The following EXT1 variants were observed in gnomAD, a reference collection of about 807,000 sequenced individuals.
EXT1 encodes the protein exostosin-1.
A neutral mutation model predicts 82.5 loss-of-function variants in EXT1; 20 were observed. The ratio of observed to expected loss-of-function variants is 0.24; its 90% CI spans 0.17 to 0.35. The LOEUF (loss-of-function observed/expected upper bound fraction) is 0.35, where lower values mean the gene tolerates loss of function less well. EXT1 is among the 10% of genes least tolerant of loss of function. EXT1 has a pLI of 1.00. For synonymous variants in EXT1, 348 were observed against 350.8 expected (o/e 0.99, Z 0.09); for missense variants, 757 against 936.5 (o/e 0.81, Z 2.50).
intron 1 of EXT1, among the ~76,000 whole-genome samples, chr8:117,855,396 T>A (rs924247260): frequency 6.6e-6 from 1 of 152,206 alleles, no homozygotes; most frequent in African/African-American, 2.4e-5. Context: ...TTCAAAACTT[T>A]TATTGTTATT....
intron 1 of EXT1, among the ~76,000 whole-genome samples, chr8:118,056,492 G>A (rs1816796202): frequency 6.6e-6 from 1 of 152,132 alleles, no homozygotes; most frequent in Non-Finnish European, 1.5e-5. Flanking sequence ...GGCTTACATT[G>A]CATCTTACCA....
intron 1 of EXT1, among the ~76,000 whole-genome samples, chr8:118,089,760 G>C (rs966112446): frequency 3.9e-5 from 6 of 152,222 alleles, no homozygotes; most frequent in Admixed American, 6.5e-5. Context: ...TGTGCTAGAA[G>C]GGTTTCACTT....
At chr8:117,873,809 A>G (rs1290316250) in intron 1 of EXT1, among the ~76,000 whole-genome samples, 1 of 152,158 alleles carries the variant, frequency 6.6e-6, no homozygotes, top group East Asian at 1.9e-4. Flanking sequence ...TCCCAATAGG[A>G]TTGGGGTGAT....
intron 1 of EXT1, among the ~76,000 whole-genome samples, chr8:117,952,754 GA>G (rs201825732): frequency 2.9e-4 from 41 of 142,266 alleles, no homozygotes; most frequent in East Asian, 8.1e-4. Flanking sequence ...CAGGGAGACT[GA>G]AAAAAAAAAA....
At chr8:117,982,041 T>C (rs2129768674) in intron 1 of EXT1, among the ~76,000 whole-genome samples, 1 of 152,348 alleles carries the variant, frequency 6.6e-6, no homozygotes, top group Non-Finnish European at 1.5e-5. Context: ...ATTGCTGCTG[T>C]AATAAATTCC....
intron 1 of EXT1, among the ~76,000 whole-genome samples, chr8:117,861,792 G>C (rs1299820516): frequency 6.9e-6 from 1 of 144,280 alleles, no homozygotes; most frequent in Non-Finnish European, 1.6e-5. Context: ...CACTGCACCC[G>C]GCCTTGAAGT....
At chr8:118,080,822 C>T (rs1817306466) in intron 1 of EXT1, among the ~76,000 whole-genome samples, 1 of 152,088 alleles carries the variant, frequency 6.6e-6, no homozygotes, top group African/African-American at 2.4e-5. Context: ...CTATGAGAGG[C>T]ACTTCAATGC....
chr8:117,863,405 G>A (rs1812718855), intron 1 of EXT1, among the ~76,000 whole-genome samples: 1 of 93,400 alleles, frequency 1.1e-5, no homozygotes, highest in Non-Finnish European at 2.1e-5. Flanking sequence ...ACTATGCTAA[G>A]TCTAGGTTTT....
chr8:117,979,593 A>G (rs759623156), intron 1 of EXT1, among the ~76,000 whole-genome samples: 3 of 152,120 alleles, frequency 2.0e-5, no homozygotes, highest in Non-Finnish European at 4.4e-5. Context: ...ACAGTTACAA[A>G]AGAAAAGGGT....
intron 1 of EXT1, among the ~76,000 whole-genome samples, chr8:117,998,490 T>G (rs1815593420): frequency 6.6e-6 from 1 of 152,122 alleles, no homozygotes. Context: ...TTAAAAATAC[T>G]TTGTAAAGAC....
At chr8:117,812,214 A>G (rs1482917610) in intron 8 of EXT1, among the ~76,000 whole-genome samples, 1 of 152,208 alleles carries the variant, frequency 6.6e-6, no homozygotes, top group African/African-American at 2.4e-5. Flanking sequence ...GGAAGGTTTC[A>G]GAGATCAATA....
chr8:117,812,924 A>G lies in EXT1; in HGVS notation c.1670T>C (p.Ile557Thr). The G allele has an allele frequency of 6.2e-7, 1 of 1,614,002 alleles. No homozygotes were observed. Among genetic ancestry groups the G allele is most frequent in the Non-Finnish European group, 8.5e-7 (1 of 1,179,996 alleles). Reference protein sequence around the residue: ...SSRFLPYDNIITDAVLSLDED... With the variant: ...SSRFLPYDNITTDAVLSLDED... ...GTCAAGGCTGAGCACGGCGTCTGTGATGATGTTGTCGTAGGGCAGAAAACG... is the reference window on the plus strand; with the variant it reads ...GTCAAGGCTGAGCACGGCGTCTGTGGTGATGTTGTCGTAGGGCAGAAAACG... The change falls in exon 8 of 11, where the codon ATC (isoleucine) becomes ACC (threonine). Residue 557 changes from isoleucine (I) to threonine (T), a missense_variant. Ile to Thr is a moderately conservative substitution (Grantham distance 89, BLOSUM62 -1). Around this residue, in one of 4 missense-constraint regions of EXT1, gnomAD observed 207 missense variants for 224.2 expected, o/e 0.92. Transcript: ENST00000378204.
intron 1 of EXT1, among the ~76,000 whole-genome samples, chr8:118,038,043 C>G (rs17476602): frequency 3.1e-3 from 468 of 152,078 alleles, no homozygotes; most frequent in Middle Eastern, 0.01. Flanking sequence ...CCAGGGTAGT[C>G]TCGAACTCCT....
At chr8:117,909,982 GGCC>G (rs1813615111) in intron 1 of EXT1, among the ~76,000 whole-genome samples, 1 of 152,096 alleles carries the variant, frequency 6.6e-6, no homozygotes, top group Non-Finnish European at 1.5e-5. Context: ...TGGCCAAACT[GGCC>G]TTGAACTCCT....
chr8:117,840,599 C>T (rs377387335), intron 1 of EXT1, among the ~76,000 whole-genome samples: 20 of 144,464 alleles, frequency 1.4e-4, no homozygotes, highest in South Asian at 6.5e-4. Flanking sequence ...GCAACAAGAG[C>T]GAAACTCTAT....
chr8:117,876,463 T>C (rs1563588113), intron 1 of EXT1, among the ~76,000 whole-genome samples: 1 of 152,246 alleles, frequency 6.6e-6, no homozygotes, highest in Non-Finnish European at 1.5e-5. Flanking sequence ...CTTATAAAAC[T>C]GCTTTTTTAA....
At chr8:117,806,525 T>C (rs1823239560) in intron 9 of EXT1, among the ~76,000 whole-genome samples, 1 of 152,212 alleles carries the variant, frequency 6.6e-6, no homozygotes, top group South Asian at 2.1e-4. Context: ...CTTTTCTGAC[T>C]TCCTGTCACC....
chr8:117,918,569 T>A (rs1813796348), intron 1 of EXT1, among the ~76,000 whole-genome samples: 1 of 152,230 alleles, frequency 6.6e-6, no homozygotes, highest in Non-Finnish European at 1.5e-5. Flanking sequence ...GGTGACACTG[T>A]GTCTGTTTTA....
chr8:117,965,535 A>T (rs1377973410), intron 1 of EXT1, among the ~76,000 whole-genome samples: 1 of 152,164 alleles, frequency 6.6e-6, no homozygotes, highest in African/African-American at 2.4e-5. Context: ...CAAGGTTTGC[A>T]GATAAATATT....
Sources: allele counts gnomAD v4.1 joint callset (sites outside exome capture counted in the v4.1 genomes callset), GRCh38; gene constraint gnomAD v4.1.1; regional missense constraint gnomAD v4.1.1; transcripts MANE v1.5; gene names NCBI Gene and HGNC (gene_info 2026-07-23, HGNC 2026-07-21).